Variants in PCDH10 observed in about 807,000 individuals in gnomAD.
PCDH10 encodes protocadherin 10.
In PCDH10, 15 loss-of-function variants were observed where a neutral mutation model predicts 74.4. The ratio of observed to expected loss-of-function variants is 0.20; its 90% CI spans 0.13 to 0.31. PCDH10 has a LOEUF of 0.31. PCDH10 is among the 10% of genes least tolerant of loss of function. PCDH10 has a pLI of 1.00. For synonymous variants in PCDH10, 619 were observed against 589.8 expected, an observed-to-expected ratio of 1.05 and a Z score of -0.72; for missense variants, 1,260 against 1,390.2, an observed-to-expected ratio of 0.91 and a Z score of 1.49.
At chr4:133,159,785 T>C (rs1037442879) in intron 3 of PCDH10, among the ~76,000 whole-genome samples, 4 of 152,030 alleles carry the variant, frequency 2.6e-5, no homozygotes, top group Admixed American at 6.6e-5. Flanking sequence ...GTTAAACTTA[T>C]TAACTTTTGA....
rs1285327168 is a variant in PCDH10, at chr4:133,193,345, C to A, written c.*3185C>A. On this transcript the variant is annotated 3_prime_UTR_variant, in exon 5 of 5. Coordinates refer to ENST00000264360, the MANE Select transcript of PCDH10 (RefSeq NM_032961.3). ...TTTTTAAAGATATTAAATGCACTGC[C>A]TTTATCAAACATTGCAAATTAAGAA... 3 of 151,464 alleles carry A rather than the reference C, an allele frequency of 2.0e-5. No individual in the cohort carries two copies. Among genetic ancestry groups the A allele is most frequent in the Non-Finnish European group, 4.4e-5 (3 of 67,598 alleles). The allele number at this position is 151,464 out of a possible 1,614,324, so 9.4% of individuals were successfully genotyped here.
At chr4:133,171,222 T>C (rs977619554) in intron 4 of PCDH10, among the ~76,000 whole-genome samples, 4 of 152,160 alleles carry the variant, frequency 2.6e-5, no homozygotes, top group Admixed American at 2.6e-4. Context: ...TCATATATTT[T>C]ACACAAACTA....
chr4:133,177,284 CTTA>C (rs1727314199), intron 4 of PCDH10, among the ~76,000 whole-genome samples: 1 of 152,058 alleles, frequency 6.6e-6, no homozygotes, highest in Non-Finnish European at 1.5e-5. Context: ...TCACTAAAAT[CTTA>C]TTATCTAATA....
At chr4:133,184,793 T>A (rs1450820158) in intron 4 of PCDH10, among the ~76,000 whole-genome samples, 7 of 139,504 alleles carry the variant, frequency 5.0e-5, no homozygotes, top group African/African-American at 1.3e-4. Flanking sequence ...TAAATATATA[T>A]ATTTATATAT....
In PCDH10 at chr4:133,163,244, T is replaced by A; in HGVS notation, c.3065T>A (p.Leu1022Gln). 6.2e-7 allele frequency: 1 copy of A among 1,613,942 alleles called. No individual in the cohort carries two copies. Residue 1022 changes from leucine to glutamine, a missense_variant, in exon 4 of 5, where the codon CTG (leucine) becomes CAG (glutamine). Around this residue, in one of 11 missense-constraint regions of PCDH10, gnomAD observed 136 missense variants for 149.3 expected, o/e 0.91. Coordinates refer to ENST00000264360, the MANE Select transcript of PCDH10 (RefSeq NM_032961.3). ...TLERKELDGL[L>Q]TNTRAPYKPP... ...GAGAGGAAGGAGCTGGATGGACTGCTGACTAATACGCGAGCGCCTTACAAA... is the reference window on the plus strand; with the variant it reads ...GAGAGGAAGGAGCTGGATGGACTGCAGACTAATACGCGAGCGCCTTACAAA...
At chr4:133,178,411 TATTTAGTAG>T (rs1308336528) in intron 4 of PCDH10, among the ~76,000 whole-genome samples, 1 of 151,942 alleles carries the variant, frequency 6.6e-6, no homozygotes, top group Non-Finnish European at 1.5e-5. Context: ...TAATTTTGTA[TATTTAGTAG>T]AGACGGGGTT....
rs984580144 is a variant in PCDH10 at position 133,152,474 on chromosome 4, C to T, written c.2334C>T (p.Arg778=). The T allele has an allele frequency of 6.2e-7, 1 of 1,614,116 alleles. No homozygotes were observed. Among genetic ancestry groups the T allele is most frequent in the African/African-American group, 1.3e-5 (1 of 75,056 alleles). The part of the protein sequence containing the change: ...STCCGRQARA[R]KKKLSKSDIM... ...GCTGTGGCCGCCAAGCCCGGGCGCG[C>T]AAGAAGAAACTCAGCAAGTCAGACA... The change falls in exon 1 of 5, where the codon CGC becomes CGT. Residue 778 remains arginine (R), a synonymous_variant. Transcript: ENST00000264360.
chr4:133,191,067 A>G lies in PCDH10; in HGVS notation c.*907A>G, dbSNP rs911351652. ...AGCACTGACTATGTACTATCAAACT[A>G]TCTAACAATCTGCATAAGTCTGATT... On this transcript the variant is annotated 3_prime_UTR_variant, in exon 5 of 5. Transcript: ENST00000264360. 13 of 152,402 alleles carry G rather than the reference A, an allele frequency of 8.5e-5. No homozygotes were observed. The highest frequency in any genetic ancestry group is 1.3e-4 in the Non-Finnish European group (9 of 67,922). The allele number at this position is 152,402 out of a possible 1,614,324, so 9.4% of individuals were successfully genotyped here.
Position 133,150,986 on chromosome 4 carries a change from C to T in PCDH10, c.846C>T (p.Asn282=), listed in dbSNP as rs372547042. ...CCACCGACCCGGACGAGGGCCAGAA[C>T]GGTGAGGTCGTGTACTCCTTCAGCA... ...LNATDPDEGQ[N]GEVVYSFSSH... The change falls in exon 1 of 5, where the codon AAC becomes AAT. Residue 282 remains asparagine, a synonymous_variant. Coordinates refer to ENST00000264360, the MANE Select transcript of PCDH10 (RefSeq NM_032961.3). 13 of 1,613,880 alleles carry T rather than the reference C, an allele frequency of 8.1e-6. No homozygotes were observed. The African/African-American group carries it at 1.3e-4, about 17-fold the overall frequency.
rs149125153 is a variant in PCDH10, at chr4:133,150,523, C to T, written c.383C>T (p.Thr128Met). Residue 128 changes from threonine to methionine, a missense_variant, in exon 1 of 5, where the codon ACG (threonine) becomes ATG (methionine). This residue lies in a region of PCDH10 where 63 missense variants were observed against 100.7 expected (regional missense o/e 0.63). Transcript: ENST00000264360. ...CCCTCTTTCCCGGAGCCAGACCTGACGGTGGAAATCTCTGAGAGCGCCACG... is the reference window on the plus strand; with the variant it reads ...CCCTCTTTCCCGGAGCCAGACCTGATGGTGGAAATCTCTGAGAGCGCCACG... ...NPPSFPEPDL[T>M]VEISESATPG... is the part of the protein sequence containing the mutation. 4 of 1,613,712 alleles carry T rather than the reference C, an allele frequency of 2.5e-6. No homozygotes were observed. The highest frequency in any genetic ancestry group is 2.7e-5 in the African/African-American group (2 of 74,946).
At position 133,152,684 on chromosome 4, in the gene PCDH10, T is replaced by C. The variant is rs1726759679; in HGVS notation, c.2544T>C (p.Thr848=). ...KPCSPSRSTD[T]EHNPCGAIVT... ...GCAGCCCTTCGCGGAGTACGGACAC[T>C]GAGCACAACCCCTGCGGGGCCATCG... Residue 848 remains threonine (T), a synonymous_variant, in exon 1 of 5, where the codon ACT becomes ACC. Coordinates refer to ENST00000264360, the MANE Select transcript of PCDH10 (RefSeq NM_032961.3). The C allele has an allele frequency of 6.2e-7, 1 of 1,614,190 alleles. No individual in the cohort carries two copies. The highest frequency in any genetic ancestry group is 8.5e-7 in the Non-Finnish European group (1 of 1,180,036).
Position 133,151,409 on chromosome 4 carries a change from A to C in PCDH10, c.1269A>C (p.Arg423=). The C allele has an allele frequency of 6.2e-7, 1 of 1,614,058 alleles. No homozygotes were observed. Among genetic ancestry groups the C allele is most frequent in the East Asian group, 2.2e-5 (1 of 44,834 alleles). The change falls in exon 1 of 5, where the codon CGA becomes CGC. Residue 423 remains arginine (R), a synonymous_variant. Coordinates refer to ENST00000264360, the MANE Select transcript of PCDH10 (RefSeq NM_032961.3). ...TCGTTACCGAAGCCCCCCTGGACCG[A>C]GAGGCGGGGGACTCCTACACCCTGA... ...YTIVTEAPLD[R]EAGDSYTLTV...
intron 4 of PCDH10, 120 bp from the exon 5 acceptor site, chr4:133,190,021 G>A (rs1727626204): frequency 1.3e-6 from 1 of 791,740 alleles, no homozygotes; most frequent in Non-Finnish European, 2.2e-6. Context: ...GACACTACAT[G>A]TGTTTGGTAT....
rs1192432001 is a variant in PCDH10 at position 133,193,183 on chromosome 4, C to T, written c.*3023C>T. On this transcript the variant is annotated 3_prime_UTR_variant, in exon 5 of 5. Coordinates refer to ENST00000264360, the MANE Select transcript of PCDH10 (RefSeq NM_032961.3). Reference sequence around the variant, plus strand: ...CCACATGTAGAATTCTAATTTTTAACGTGTGAACATAGTTTGGTGAAATCA... The same window carrying T: ...CCACATGTAGAATTCTAATTTTTAATGTGTGAACATAGTTTGGTGAAATCA... The T allele has an allele frequency of 6.6e-6, 1 of 151,498 alleles. No individual in the cohort carries two copies. Among genetic ancestry groups the T allele is most frequent in the Non-Finnish European group, 1.5e-5 (1 of 67,610 alleles). 9.4% of individuals were successfully genotyped at this position (151,498 alleles called of 1,614,324 possible). A position where few individuals can be genotyped will look rare whatever the true frequency, so the allele number is the denominator to read the frequency against.
At chr4:133,154,231 T>G in intron 1 of PCDH10, 76 bp from the exon 2 acceptor site, 12 of 876,076 alleles carry the variant, frequency 1.4e-5, no homozygotes, top group Non-Finnish European at 2.2e-5. Context: ...CTAGATATAG[T>G]TCCTAACCTC....
At chr4:133,169,805 T>C (rs1727166720) in intron 4 of PCDH10, among the ~76,000 whole-genome samples, 1 of 152,024 alleles carries the variant, frequency 6.6e-6, no homozygotes, top group Admixed American at 6.6e-5. Context: ...TATTCAGTAC[T>C]CAATGTGCCA....
chr4:133,187,007 C>T (rs979850941), intron 4 of PCDH10, among the ~76,000 whole-genome samples: 2 of 152,062 alleles, frequency 1.3e-5, no homozygotes, highest in Non-Finnish European at 2.9e-5. Context: ...CCTGAGCCAC[C>T]GTGCCCAGCC....
intron 4 of PCDH10, among the ~76,000 whole-genome samples, chr4:133,178,381 C>A (rs1268073067): frequency 2.0e-5 from 3 of 151,976 alleles, no homozygotes; most frequent in African/African-American, 7.3e-5. Context: ...GGATTACAGG[C>A]ATGCACCACC....
At chr4:133,190,018 C>T (rs1169371561) in intron 4 of PCDH10, 123 bp from the exon 5 acceptor site, 1 of 775,218 alleles carries the variant, frequency 1.3e-6, no homozygotes, top group Non-Finnish European at 2.3e-6. Context: ...TTTGACACTA[C>T]ATGTGTTTGG....
Sources: allele counts gnomAD v4.1 joint callset (sites outside exome capture counted in the v4.1 genomes callset), GRCh38; gene constraint gnomAD v4.1.1; regional missense constraint gnomAD v4.1.1; transcripts MANE v1.5; gene names NCBI Gene and HGNC (gene_info 2026-07-23, HGNC 2026-07-21).